The following PREX2 variants were observed in gnomAD, a reference collection of about 807,000 sequenced individuals.
PREX2 encodes phosphatidylinositol-3,4,5-trisphosphate dependent Rac exchange factor 2.
In PREX2, 107 loss-of-function variants were observed where a neutral mutation model predicts 203.2. That is an observed-to-expected ratio of 0.53 (90% CI 0.45 to 0.62). PREX2 has a LOEUF of 0.62. Ranked by LOEUF, PREX2 falls within the 20% of genes least tolerant of loss-of-function variation. PREX2 has a pLI of 0.00. For synonymous variants in PREX2, 672 were observed against 663.6 expected (o/e 1.01, Z -0.19); for missense variants, 1,777 against 1,955.9 (o/e 0.91, Z 1.72).
At chr8:68,120,693 A>G (rs1810754138) in intron 29 of PREX2, among the ~76,000 whole-genome samples, 1 of 152,112 alleles carries the variant, frequency 6.6e-6, no homozygotes. Flanking sequence ...AGTTTGGGAT[A>G]ATGAAAGTAG....
rs1812323395 is a variant in PREX2, at chr8:68,192,737, A to G, written c.4604+212A>G. 4 of 413,450 alleles carry G rather than the reference A, an allele frequency of 9.7e-6. No homozygotes were observed. The South Asian group carries it at 2.9e-4, about 30-fold the overall frequency. 25.6% of individuals were successfully genotyped at this position (413,450 alleles called of 1,614,324 possible). A position where few individuals can be genotyped will look rare whatever the true frequency, so the allele number is the denominator to read the frequency against. On this transcript the variant is annotated intron_variant, in intron 37 of 39. Transcript: ENST00000288368. The stretch of plus-strand genomic sequence containing the variant: ...ATGAAGGCAATCCCACGTTTATATC[A>G]TTGTGGCCCAAAATCTTATCATAGT...
intron 35 of PREX2, among the ~76,000 whole-genome samples, chr8:68,167,735 A>C (rs1811793164): frequency 1.3e-5 from 2 of 152,174 alleles, no homozygotes; most frequent in Non-Finnish European, 2.9e-5. Context: ...GGTGTAAATC[A>C]ATGTCCAGTT....
intron 39 of PREX2, among the ~76,000 whole-genome samples, chr8:68,228,971 A>AAAAAAAT (rs59373657): frequency 6.8e-5 from 8 of 117,328 alleles, no homozygotes; most frequent in South Asian, 3.4e-4. Flanking sequence ...AAAAAAAGAA[A>AAAAAAAT]GAAAAAAATG....
intron 39 of PREX2, among the ~76,000 whole-genome samples, chr8:68,230,623 T>G (rs1396554289): frequency 6.6e-6 from 1 of 152,164 alleles, no homozygotes; most frequent in South Asian, 2.1e-4. Context: ...TGACTGTAGT[T>G]AAACCCCCTG....
intron 35 of PREX2, among the ~76,000 whole-genome samples, chr8:68,167,046 A>G (rs533853462): frequency 4.1e-4 from 62 of 152,346 alleles, no homozygotes; most frequent in African/African-American, 1.5e-3. Flanking sequence ...TCTTGACTCC[A>G]GTTTAAGAAA....
At chr8:68,138,690 A>G (rs1811161157) in intron 33 of PREX2, among the ~76,000 whole-genome samples, 173 bp downstream of exon 33, 1 of 152,194 alleles carries the variant, frequency 6.6e-6, no homozygotes, top group African/African-American at 2.4e-5. Flanking sequence ...TAAAAGTTAT[A>G]TATTCAGATA....
At chr8:68,099,655 G>GGTGTGC (rs765477954) in intron 22 of PREX2, 27 bp from the exon 23 acceptor site, 2 of 1,601,308 alleles carry the variant, frequency 1.2e-6, no homozygotes, top group Non-Finnish European at 1.7e-6. Context: ...TGTGTGTGTG[G>GGTGTGC]GTGTGCGTGT....
At chr8:68,057,727 C>A (rs1247617503) in intron 10 of PREX2, among the ~76,000 whole-genome samples, 1 of 152,190 alleles carries the variant, frequency 6.6e-6, no homozygotes, top group Non-Finnish European at 1.5e-5. Context: ...AGAGTGACTT[C>A]AAGTTATGGC....
At chr8:68,087,317 T>G (rs940272743) in intron 18 of PREX2, among the ~76,000 whole-genome samples, 1 of 152,050 alleles carries the variant, frequency 6.6e-6, no homozygotes, top group Admixed American at 6.6e-5. Flanking sequence ...AGTTCAGTAA[T>G]TTAAGATGAG....
At chr8:68,034,538 A>T (rs1035843665) in intron 6 of PREX2, among the ~76,000 whole-genome samples, 1 of 152,178 alleles carries the variant, frequency 6.6e-6, no homozygotes. Context: ...CTATTACGAT[A>T]AAAGATAAGA....
At chr8:68,120,564 T>C (rs1233174874) in intron 29 of PREX2, among the ~76,000 whole-genome samples, 1 of 152,088 alleles carries the variant, frequency 6.6e-6, no homozygotes, top group Non-Finnish European at 1.5e-5. Flanking sequence ...AAACATGAAG[T>C]TGATTTTGCT....
intron 37 of PREX2, among the ~76,000 whole-genome samples, chr8:68,201,233 G>A (rs1812494712): frequency 6.6e-6 from 1 of 152,142 alleles, no homozygotes; most frequent in Admixed American, 6.5e-5. Context: ...GAGGAGGGAA[G>A]AAATATGAGT....
intron 19 of PREX2, among the ~76,000 whole-genome samples, 178 bp downstream of exon 19, chr8:68,087,987 G>A (rs1481693121): frequency 6.6e-6 from 1 of 151,872 alleles, no homozygotes; most frequent in African/African-American, 2.4e-5. Flanking sequence ...AAAATTCTAA[G>A]CCATATTTAT....
chr8:67,988,347 AG>A (rs1806496900), intron 1 of PREX2, among the ~76,000 whole-genome samples: 1 of 152,188 alleles, frequency 6.6e-6, no homozygotes, highest in Admixed American at 6.5e-5. Flanking sequence ...CTCTAACCAA[AG>A]TCCCTATTGC....
chr8:68,157,266 C>A, intron 34 of PREX2, 56 bp from the exon 35 acceptor site: 1 of 847,522 alleles, frequency 1.2e-6, no homozygotes, highest in Non-Finnish European at 1.9e-6. Flanking sequence ...TTATACTACA[C>A]GTGGAGAAAT....
chr8:68,179,549 A>G (rs1039457859), intron 35 of PREX2, among the ~76,000 whole-genome samples: 1 of 152,126 alleles, frequency 6.6e-6, no homozygotes, highest in Non-Finnish European at 1.5e-5. Context: ...AGAAAGAGCC[A>G]GTGTTAGCAG....
Position 68,042,411 on chromosome 8 carries a change from C to T in PREX2, c.840-2076C>T, listed in dbSNP as rs1296799779. Among the ~76,000 whole-genome samples, 6 of 151,922 alleles carry T rather than the reference C, an allele frequency of 3.9e-5. No homozygotes were observed. The South Asian group carries it at 1.0e-3, about 26-fold the overall frequency. ...GGAGTTTTAAAAAATAGTATCATAG[C>T]GTTTTTAGTTTCTTGCAATTTATAA... is the stretch of plus-strand genomic sequence containing the variant. On this transcript the variant is annotated intron_variant, in intron 7 of 39. Transcript: ENST00000288368.
At chr8:67,980,365 G>C (rs1199522138) in intron 1 of PREX2, among the ~76,000 whole-genome samples, 2 of 150,074 alleles carry the variant, frequency 1.3e-5, no homozygotes, top group Non-Finnish European at 3.0e-5. Flanking sequence ...GAATTGATAG[G>C]AGTTGAAGAA....
At chr8:67,974,304 A>G (rs1011818124) in intron 1 of PREX2, among the ~76,000 whole-genome samples, 8 of 152,216 alleles carry the variant, frequency 5.3e-5, no homozygotes, top group Admixed American at 1.3e-4. Context: ...GGTTGAGAAG[A>G]AACAACATGA....
Sources: gnomAD v4.1 joint callset for allele counts (sites outside exome capture counted in the v4.1 genomes callset) on GRCh38, gnomAD v4.1.1 for gene constraint, MANE v1.5 for transcripts, NCBI Gene and HGNC (gene_info 2026-07-23, HGNC 2026-07-21) for gene names.